Variants in GPR176 observed in about 807,000 individuals in gnomAD.
GPR176 encodes the protein G-protein coupled receptor 176.
In GPR176, 26 loss-of-function variants were observed where a neutral mutation model predicts 35.4. The ratio of observed to expected loss-of-function variants is 0.74; its 90% CI spans 0.54 to 1.02. The LOEUF (loss-of-function observed/expected upper bound fraction) is 1.02. Ranked by LOEUF, GPR176 falls within the 50% of genes least tolerant of loss-of-function variation. GPR176 has a pLI of 0.00. For missense variants in GPR176, 597 were observed against 665.3 expected (o/e 0.90, Z 1.13); for synonymous variants, 278 against 271.3 (o/e 1.02, Z -0.24).
chr15:39,861,548 A>C (rs981268560), intron 1 of GPR176, among the ~76,000 whole-genome samples: 3 of 130,938 alleles, frequency 2.3e-5, no homozygotes, highest in African/African-American at 3.3e-5. Flanking sequence ...ACTCCATCTC[A>C]AAAAAAAAAA....
chr15:39,814,668 G>A (rs185123375), intron 1 of GPR176, among the ~76,000 whole-genome samples: 1 of 152,188 alleles, frequency 6.6e-6, no homozygotes, highest in African/African-American at 2.4e-5. Flanking sequence ...TCTGTGGTAG[G>A]TTATATTGCC....
Position 39,920,214 on chromosome 15 carries a change from C to T in GPR176, c.-188G>A, listed in dbSNP as rs1256736700. 4.9e-6 allele frequency: 2 copies of T among 406,040 alleles called. No individual in the cohort carries two copies. The highest frequency in any genetic ancestry group is 4.3e-6 in the Non-Finnish European group (1 of 230,990). The allele number at this position is 406,040 out of a possible 1,614,324, so 25.2% of individuals were successfully genotyped here. ...CCCGGGAGGCGGGGAGGGAGGGAGG[C>T]GCGGCTGCGCCCCATGCCCACTCCC... On this transcript the variant is annotated 5_prime_UTR_variant, in exon 1 of 3. Transcript: ENST00000561100.
At position 39,902,061 on chromosome 15, in the gene GPR176, G is replaced by C. The variant is rs186481220; in HGVS notation, c.172+17794C>G. Among the ~76,000 whole-genome samples, 608 of 152,264 alleles carry C rather than the reference G, an allele frequency of 4.0e-3. 3 individuals carry two copies. The highest frequency in any genetic ancestry group is 0.014 in the African/African-American group (584 of 41,542). ...ATTGTGCCACTGCACTCCAGCCTGGGCAACAAAGTGAGACTCTGTCTCAAA... is the reference window on the plus strand; with the variant it reads ...ATTGTGCCACTGCACTCCAGCCTGGCCAACAAAGTGAGACTCTGTCTCAAA... On this transcript the variant is annotated intron_variant, in intron 1 of 2. Transcript: ENST00000561100.
At chr15:39,840,438 C>A (rs1401010502) in intron 1 of GPR176, among the ~76,000 whole-genome samples, 2 of 152,046 alleles carry the variant, frequency 1.3e-5, no homozygotes, top group East Asian at 3.9e-4. Context: ...ACAATGAGAA[C>A]ACTTGGACAC....
At chr15:39,804,788 T>C (rs1899091682) in intron 2 of GPR176, among the ~76,000 whole-genome samples, 1 of 152,198 alleles carries the variant, frequency 6.6e-6, no homozygotes, top group Non-Finnish European at 1.5e-5. Flanking sequence ...TACTGATACA[T>C]TCTATAACAT....
chr15:39,882,263 T>C (rs895623720), intron 1 of GPR176, among the ~76,000 whole-genome samples: 7 of 152,216 alleles, frequency 4.6e-5, no homozygotes, highest in Non-Finnish European at 1.0e-4. Flanking sequence ...TATGCAAGTA[T>C]TGGCAAAATT....
At chr15:39,879,105 A>G (rs2032373011) in intron 1 of GPR176, among the ~76,000 whole-genome samples, 1 of 152,262 alleles carries the variant, frequency 6.6e-6, no homozygotes, top group East Asian at 1.9e-4. Context: ...GAAGAAAACT[A>G]GAGAACAAAT....
chr15:39,828,493 T>C (rs1900835667), intron 1 of GPR176, among the ~76,000 whole-genome samples: 1 of 152,160 alleles, frequency 6.6e-6, no homozygotes, highest in African/African-American at 2.4e-5. Flanking sequence ...GCACAAGCAC[T>C]GAGTTGGCCC....
intron 1 of GPR176, among the ~76,000 whole-genome samples, chr15:39,840,597 G>A (rs445138): frequency 0.081 from 12,359 of 152,038 alleles, 1,605 homozygotes; most frequent in African/African-American, 0.28. Flanking sequence ...AAACCTGCAC[G>A]TTGTGCACAT....
chr15:39,910,255 C>G (rs1040531224), intron 1 of GPR176, among the ~76,000 whole-genome samples: 3 of 152,156 alleles, frequency 2.0e-5, no homozygotes, highest in African/African-American at 4.8e-5. Context: ...GGAGATAAGT[C>G]AAAGGTACCT....
At chr15:39,916,223 T>G (rs1233308555) in intron 1 of GPR176, among the ~76,000 whole-genome samples, 2 of 152,222 alleles carry the variant, frequency 1.3e-5, no homozygotes, top group Non-Finnish European at 2.9e-5. Context: ...ATTCCAGATC[T>G]TTTGGAGTCT....
chr15:39,915,166 T>C (rs1019399214), intron 1 of GPR176, among the ~76,000 whole-genome samples: 1 of 152,172 alleles, frequency 6.6e-6, no homozygotes, highest in Non-Finnish European at 1.5e-5. Flanking sequence ...TACCAAAAGC[T>C]GGGTGGCTTT....
chr15:39,882,493 CTT>C (rs1184008842), intron 1 of GPR176, among the ~76,000 whole-genome samples: 1 of 152,152 alleles, frequency 6.6e-6, no homozygotes, highest in Non-Finnish European at 1.5e-5. Context: ...ACGGAAGAGA[CTT>C]TTCATGAGTT....
intron 1 of GPR176, among the ~76,000 whole-genome samples, chr15:39,893,795 T>C (rs2032972736): frequency 1.0e-5 from 1 of 98,088 alleles, no homozygotes; most frequent in South Asian, 3.5e-4. Flanking sequence ...CCCCCCCACC[T>C]CCCTCCCGGA....
intron 1 of GPR176, among the ~76,000 whole-genome samples, chr15:39,893,935 C>T (rs1203116247): frequency 3.3e-5 from 4 of 121,174 alleles, no homozygotes; most frequent in African/African-American, 6.5e-5. Context: ...CCCTCCCGGA[C>T]GGGGCGGCTG....
At chr15:39,889,370 A>G (rs2032782577) in intron 1 of GPR176, among the ~76,000 whole-genome samples, 1 of 151,964 alleles carries the variant, frequency 6.6e-6, no homozygotes, top group Admixed American at 6.6e-5. Flanking sequence ...TAACATGGAG[A>G]AACTTCATCT....
rs112677908 is a variant in GPR176 at position 39,913,544 on chromosome 15, C to CA, written c.172+6310dup. On this transcript the variant is annotated intron_variant, in intron 1 of 2. Coordinates refer to ENST00000561100, the MANE Select transcript of GPR176 (RefSeq NM_007223.3). The stretch of plus-strand genomic sequence containing the variant: ...TGGGAGACAGAATAAGACCCTGTCT[C>CA]AAAAAAAAAAAAGAAAAAAGAAAGA... 1.1e-3 allele frequency among the ~76,000 whole-genome samples: 135 copies of CA among 117,932 alleles called. 1 individual carries two copies. The highest frequency in any genetic ancestry group is 0.011 in the East Asian group (47 of 4,236). 77.4% of individuals were successfully genotyped at this position (117,932 alleles called of 152,430 possible). A position where few individuals can be genotyped will look rare whatever the true frequency, so the allele number is the denominator to read the frequency against.
intron 1 of GPR176, among the ~76,000 whole-genome samples, chr15:39,821,869 A>C (rs1287860202): frequency 6.6e-6 from 1 of 152,248 alleles, no homozygotes; most frequent in Non-Finnish European, 1.5e-5. Context: ...AATGATCTTC[A>C]CATCCCTGTG....
intron 1 of GPR176, among the ~76,000 whole-genome samples, chr15:39,817,988 A>G (rs1865754): frequency 0.099 from 15,080 of 152,254 alleles, 1,102 homozygotes; most frequent in Admixed American, 0.23. Context: ...CCAAGTGACC[A>G]GAGAGTCAGT....
Sources: allele counts gnomAD v4.1 joint callset (sites outside exome capture counted in the v4.1 genomes callset), GRCh38; gene constraint gnomAD v4.1.1; transcripts MANE v1.5; gene names NCBI Gene and HGNC (gene_info 2026-07-23, HGNC 2026-07-21).